The following YPEL5 variants were observed in gnomAD, a reference collection of about 807,000 sequenced individuals.
YPEL5 encodes yippee like 5.
Under a neutral mutation model 10.5 loss-of-function variants are expected in YPEL5, and 1 was observed. That is an observed-to-expected ratio of 0.10 (90% confidence interval 0.03 to 0.45). The LOEUF is 0.45. YPEL5 is among the 20% of genes least tolerant of loss of function. The pLI is 0.97. For synonymous variants in YPEL5, 61 were observed against 56.6 expected, an observed-to-expected ratio of 1.08 and a Z score of -0.35; for missense variants, 68 against 159.3, an observed-to-expected ratio of 0.43 and a Z score of 3.09.
At chr2:30,152,756 G>C (rs562266452) in intron 1 of YPEL5, among the ~76,000 whole-genome samples, 1 of 152,310 alleles carries the variant, frequency 6.6e-6, no homozygotes, top group African/African-American at 2.4e-5. Context: ...TAAATACCAA[G>C]TACAGTGTCC....
At chr2:30,156,869 G>A (rs1676061323) in intron 2 of YPEL5, 77 bp downstream of exon 2, 2 of 1,518,510 alleles carry the variant, frequency 1.3e-6, no homozygotes, top group African/African-American at 1.4e-5. Context: ...CCCCCTCAGA[G>A]CTTAGAGATA....
chr2:30,155,477 G>A (rs1676002254), intron 1 of YPEL5, among the ~76,000 whole-genome samples: 1 of 151,988 alleles, frequency 6.6e-6, no homozygotes, highest in Admixed American at 6.6e-5. Flanking sequence ...TTTCCACAGT[G>A]GCAGTTACAT....
In YPEL5 at chr2:30,160,067, G is replaced by C. The variant is rs1045281485; in HGVS notation, c.*1224G>C. 4 of 152,600 alleles carry C rather than the reference G, an allele frequency of 2.6e-5. No homozygotes were observed. The highest frequency in any genetic ancestry group is 5.9e-5 in the Non-Finnish European group (4 of 68,028). 9.5% of individuals were successfully genotyped at this position (152,600 alleles called of 1,614,324 possible). On this transcript the variant is annotated 3_prime_UTR_variant, in exon 3 of 3. Transcript: ENST00000261353. Reference sequence around the variant, plus strand: ...TTATGACATTACACAATATTAAAATGTAAATGTTTCTTTACCCAAACTACT... The same window carrying C: ...TTATGACATTACACAATATTAAAATCTAAATGTTTCTTTACCCAAACTACT...
In YPEL5 at chr2:30,152,354, C is replaced by T. The variant is rs968026117; in HGVS notation, c.-24-4274C>T. On this transcript the variant is annotated intron_variant, in intron 1 of 2. Coordinates refer to ENST00000261353, the MANE Select transcript of YPEL5 (RefSeq NM_016061.3). Reference sequence around the variant, plus strand: ...GTATGTTGGGTTTAACAGTCACACTCGCTGACCCTGAAAGTTTTATCCGGA... The same window carrying T: ...GTATGTTGGGTTTAACAGTCACACTTGCTGACCCTGAAAGTTTTATCCGGA... Among the ~76,000 whole-genome samples, 12 of 152,224 alleles carry T rather than the reference C, an allele frequency of 7.9e-5. 1 individual carries two copies. The South Asian group carries it at 1.9e-3, about 24-fold the overall frequency.
intron 1 of YPEL5, among the ~76,000 whole-genome samples, chr2:30,156,139 T>C (rs1476226096): frequency 1.3e-5 from 2 of 152,072 alleles, no homozygotes; most frequent in East Asian, 3.9e-4. Flanking sequence ...ACCTACTCAC[T>C]CTGTGTTCTC....
chr2:30,156,160 A>G (rs779620586), intron 1 of YPEL5, among the ~76,000 whole-genome samples: 3 of 151,926 alleles, frequency 2.0e-5, no homozygotes, highest in Non-Finnish European at 2.9e-5. Context: ...AAACCAGACT[A>G]CTCTCTTCTT....
chr2:30,147,231 C>T (rs1335653794), intron 1 of YPEL5, among the ~76,000 whole-genome samples, 169 bp downstream of exon 1: 2 of 152,062 alleles, frequency 1.3e-5, no homozygotes, highest in African/African-American at 2.4e-5. Flanking sequence ...CGCCCCAGAT[C>T]CTTCAGGGTG....
intron 2 of YPEL5, among the ~76,000 whole-genome samples, chr2:30,157,859 G>A (rs1406139767): frequency 6.6e-6 from 1 of 152,202 alleles, no homozygotes; most frequent in Non-Finnish European, 1.5e-5. Flanking sequence ...ACAGCTGCCT[G>A]TTTTGGTAAA....
intron 1 of YPEL5, among the ~76,000 whole-genome samples, chr2:30,152,916 T>C (rs1415199292): frequency 4.6e-5 from 7 of 151,300 alleles, no homozygotes; most frequent in African/African-American, 7.3e-5. Flanking sequence ...TTTTGGTTTT[T>C]TTGAGACGGA....
At position 30,151,884 on chromosome 2, in the gene YPEL5, A is replaced by T. The variant is rs76235527; in HGVS notation, c.-24-4744A>T. 1.7e-3 allele frequency among the ~76,000 whole-genome samples: 255 copies of T among 152,326 alleles called. 4 individuals carry two copies. The East Asian group carries it at 0.031, about 18-fold the overall frequency. On this transcript the variant is annotated intron_variant, in intron 1 of 2. Transcript: ENST00000261353. The stretch of plus-strand genomic sequence containing the variant: ...AAATACGGGGCTGAAGAGATCTGGG[A>T]TTACTCTAAGTCCAAGCAAGGTGAT...
In YPEL5 at chr2:30,160,045, T is replaced by G. The variant is rs1346388459; in HGVS notation, c.*1202T>G. The G allele has an allele frequency of 6.5e-6, 1 of 152,682 alleles. No homozygotes were observed. Among genetic ancestry groups the G allele is most frequent in the Non-Finnish European group, 1.5e-5 (1 of 68,038 alleles). The allele number at this position is 152,682 out of a possible 1,614,324, so 9.5% of individuals were successfully genotyped here. A position where few individuals can be genotyped will look rare whatever the true frequency, so the allele number is the denominator to read the frequency against. On this transcript the variant is annotated 3_prime_UTR_variant, in exon 3 of 3. Transcript: ENST00000261353. ...TGGTGTTATTTTAGCCCCAAATTTA[T>G]GACATTACACAATATTAAAATGTAA...
intron 2 of YPEL5, among the ~76,000 whole-genome samples, chr2:30,158,155 T>C (rs1227996773): frequency 6.6e-6 from 1 of 152,230 alleles, no homozygotes; most frequent in Non-Finnish European, 1.5e-5. Context: ...AGGCTTAATC[T>C]GTCCCAGTCT....
At chr2:30,153,193 C>T (rs745869305) in intron 1 of YPEL5, among the ~76,000 whole-genome samples, 147 of 152,298 alleles carry the variant, frequency 9.7e-4, no homozygotes, top group African/African-American at 2.6e-3. Context: ...TGAGCCACCG[C>T]GCCCGGCCTT....
chr2:30,156,381 G>T, intron 1 of YPEL5: 3 of 363,870 alleles, frequency 8.2e-6, no homozygotes, highest in Middle Eastern at 7.7e-4. Flanking sequence ...CTATTCTTTG[G>T]CCTTGGCTAA....
chr2:30,151,602 T>C (rs1482639292), intron 1 of YPEL5, among the ~76,000 whole-genome samples: 1 of 152,214 alleles, frequency 6.6e-6, no homozygotes, highest in Non-Finnish European at 1.5e-5. Context: ...TCAACCTTTT[T>C]AGGATTTTTA....
chr2:30,147,881 T>A (rs1305055821), intron 1 of YPEL5: 1 of 153,558 alleles, frequency 6.5e-6, no homozygotes, highest in East Asian at 1.9e-4. Context: ...GCCGCCCCGG[T>A]CCCTCCCGAT....
At chr2:30,148,013 C>T (rs1675577143) in intron 1 of YPEL5, 1 of 152,158 alleles carries the variant, frequency 6.6e-6, no homozygotes, top group Non-Finnish European at 1.5e-5. Flanking sequence ...CCGCCAGCTT[C>T]GGGCTGCGGC....
In YPEL5 at chr2:30,159,099, C is replaced by A. The variant is rs1676169531; in HGVS notation, c.*256C>A. 2.1e-6 allele frequency: 1 copy of A among 466,472 alleles called. No individual in the cohort carries two copies. The allele number at this position is 466,472 out of a possible 1,614,324, so 28.9% of individuals were successfully genotyped here. A position where few individuals can be genotyped will look rare whatever the true frequency, so the allele number is the denominator to read the frequency against. Reference sequence around the variant, plus strand: ...ACCCTATGTTTACATCTTGAGGCAGCAGAGTCTGTCTGCAGCTATGTGGTG... The same window carrying A: ...ACCCTATGTTTACATCTTGAGGCAGAAGAGTCTGTCTGCAGCTATGTGGTG... On this transcript the variant is annotated 3_prime_UTR_variant, in exon 3 of 3. Coordinates refer to ENST00000261353, the MANE Select transcript of YPEL5 (RefSeq NM_016061.3).
chr2:30,157,951 C>T (rs1049602986), intron 2 of YPEL5, among the ~76,000 whole-genome samples: 2 of 152,204 alleles, frequency 1.3e-5, no homozygotes, highest in Non-Finnish European at 2.9e-5. Context: ...TAAAAAGTTG[C>T]AGCAAAGACC....
Sources: allele counts gnomAD v4.1 joint callset (sites outside exome capture counted in the v4.1 genomes callset), GRCh38; gene constraint gnomAD v4.1.1; transcripts MANE v1.5; gene names NCBI Gene and HGNC (gene_info 2026-07-23, HGNC 2026-07-21).